VWA8: variants seen among roughly 807,000 people sequenced by gnomAD.
VWA8 encodes the protein von Willebrand factor A domain containing 8.
In VWA8, 221 loss-of-function variants were observed where a neutral mutation model predicts 241.5. The observed-to-expected ratio is 0.91, with a 90% CI of 0.82 to 1.02. The LOEUF (loss-of-function observed/expected upper bound fraction) is 1.02, where lower values mean the gene tolerates loss of function less well. Ranked by LOEUF, VWA8 falls within the 50% of genes least tolerant of loss-of-function variation. The pLI, the probability that VWA8 is intolerant of heterozygous loss-of-function variation, is 0.00. For missense variants in VWA8, 2,322 were observed against 2,328.7 expected (o/e 1.00, Z 0.06); for synonymous variants, 852 against 827.1 (o/e 1.03, Z -0.52).
At chr13:41,740,249 G>A (rs1012785931) in intron 21 of VWA8, among the ~76,000 whole-genome samples, 3 of 151,994 alleles carry the variant, frequency 2.0e-5, no homozygotes, top group Admixed American at 6.6e-5. Flanking sequence ...ATATTTTCTT[G>A]TCATCTTATG....
intron 4 of VWA8, among the ~76,000 whole-genome samples, chr13:41,899,541 C>G (rs1875318960): frequency 6.6e-6 from 1 of 152,102 alleles, no homozygotes; most frequent in Non-Finnish European, 1.5e-5. Flanking sequence ...GAAACAAAAT[C>G]TGAAACGCTC....
chr13:41,623,357 T>C (rs1234057926), intron 37 of VWA8, among the ~76,000 whole-genome samples: 1 of 152,194 alleles, frequency 6.6e-6, no homozygotes, highest in Non-Finnish European at 1.5e-5. Context: ...CTGAAGTCAC[T>C]TGTCTCTAAT....
chr13:41,750,983 T>C (rs1026443209), intron 21 of VWA8, among the ~76,000 whole-genome samples: 4 of 151,908 alleles, frequency 2.6e-5, no homozygotes, highest in African/African-American at 4.8e-5. Context: ...CTTGGCCAAA[T>C]TGTTTAACCT....
intron 19 of VWA8, among the ~76,000 whole-genome samples, chr13:41,778,832 CTTTTTTTTTTT>C (rs71096543): frequency 2.4e-5 from 2 of 82,648 alleles, no homozygotes; most frequent in East Asian, 3.5e-4. Context: ...CAGTACGTCA[CTTTTTTTTTTT>C]TTTTTTTTTT....
At chr13:41,590,500 T>TC (rs200938861) in intron 41 of VWA8, 140 bp downstream of exon 41, 14,176 of 482,102 alleles carry the variant, frequency 0.029, 180 homozygotes, top group East Asian at 0.1. Flanking sequence ...TTCTTCTTCT[T>TC]TTTTTTTTTT....
At chr13:41,912,305 G>T in intron 2 of VWA8, 137 bp from the exon 3 acceptor site, 1 of 611,378 alleles carries the variant, frequency 1.6e-6, no homozygotes, top group Non-Finnish European at 2.3e-6. Context: ...ATAAACATAT[G>T]TATATAAATA....
chr13:41,798,163 A>G (rs963436203), intron 17 of VWA8, among the ~76,000 whole-genome samples: 5 of 152,088 alleles, frequency 3.3e-5, no homozygotes, highest in Middle Eastern at 3.4e-3. Flanking sequence ...TCCAGTTTCT[A>G]TAAGTTTTTA....
intron 2 of VWA8, among the ~76,000 whole-genome samples, chr13:41,919,377 G>A (rs1220602670): frequency 1.3e-5 from 2 of 152,174 alleles, no homozygotes; most frequent in East Asian, 1.9e-4. Context: ...AGCTGAGGGA[G>A]CTCCCCAGAG....
At chr13:41,883,365 A>G in intron 9 of VWA8, 22 bp downstream of exon 9, 1 of 1,572,310 alleles carries the variant, frequency 6.4e-7, no homozygotes, top group Non-Finnish European at 8.7e-7. Flanking sequence ...AAGAAAGGAA[A>G]GAAAGGGAAG....
chr13:41,730,629 A>G (rs2045475186), intron 22 of VWA8, among the ~76,000 whole-genome samples: 2 of 152,190 alleles, frequency 1.3e-5, no homozygotes, highest in Admixed American at 1.3e-4. Context: ...GTTGATGGTG[A>G]CATCATGAAA....
At chr13:41,629,064 A>G (rs555555158) in intron 37 of VWA8, among the ~76,000 whole-genome samples, 12 of 151,960 alleles carry the variant, frequency 7.9e-5, no homozygotes, top group African/African-American at 2.4e-4. Context: ...AAACAAGCAA[A>G]CAAACAAACA....
chr13:41,747,257 A>G (rs563612236), intron 21 of VWA8, among the ~76,000 whole-genome samples: 44 of 152,184 alleles, frequency 2.9e-4, no homozygotes, highest in Admixed American at 8.5e-4. Flanking sequence ...ATTTGTTTGT[A>G]TCCTCTTTTA....
chr13:41,665,813 C>A (rs1381404028), intron 37 of VWA8, among the ~76,000 whole-genome samples: 1 of 151,958 alleles, frequency 6.6e-6, no homozygotes, highest in African/African-American at 2.4e-5. Flanking sequence ...TATCCTACGG[C>A]CTGTCTTGAG....
rs542910444 is a variant in VWA8 at position 41,891,813 on chromosome 13, AAG to A, written c.484-228_484-227del. On this transcript the variant is annotated intron_variant, in intron 4 of 44. Coordinates refer to ENST00000379310, the MANE Select transcript of VWA8 (RefSeq NM_015058.2). The stretch of plus-strand genomic sequence containing the variant: ...GTTTGTAAAATAAAGGGATTGAAAA[AAG>A]AGGATCGCTGAAGTTCCTTTCAGCC... Among the ~76,000 whole-genome samples the A allele has an allele frequency of 1.7e-3, 262 of 152,350 alleles. 2 individuals carry two copies. The highest frequency in any genetic ancestry group is 5.8e-3 in the African/African-American group (241 of 41,582).
intron 37 of VWA8, among the ~76,000 whole-genome samples, chr13:41,637,992 A>C (rs12866212): frequency 0.032 from 4,947 of 152,220 alleles, 90 homozygotes; most frequent in South Asian, 0.078. Context: ...AGATTCAAAC[A>C]CTCAAAATCT....
chr13:41,802,440 T>C (rs946336037), intron 17 of VWA8, among the ~76,000 whole-genome samples: 7 of 152,214 alleles, frequency 4.6e-5, no homozygotes, highest in African/African-American at 1.7e-4. Flanking sequence ...ATACAATTCC[T>C]GGGCAAGTCC....
chr13:41,935,729 A>G (rs913303453), intron 2 of VWA8, among the ~76,000 whole-genome samples: 2 of 151,980 alleles, frequency 1.3e-5, no homozygotes, highest in African/African-American at 4.8e-5. Context: ...ACAGACATGT[A>G]ATAGACCTAT....
chr13:41,770,147 G>GT (rs1318529640), intron 20 of VWA8, among the ~76,000 whole-genome samples: 1 of 152,052 alleles, frequency 6.6e-6, no homozygotes, highest in Non-Finnish European at 1.5e-5. Context: ...CTCAGGAAGT[G>GT]TAAGAAATTG....
At chr13:41,886,421 C>T (rs913756014) in intron 7 of VWA8, among the ~76,000 whole-genome samples, 5 of 151,938 alleles carry the variant, frequency 3.3e-5, no homozygotes, top group Admixed American at 6.6e-5. Flanking sequence ...TTGTTGTGTT[C>T]GAATTTCTTG....
Sources: gnomAD v4.1 joint callset for allele counts (sites outside exome capture counted in the v4.1 genomes callset) on GRCh38, gnomAD v4.1.1 for gene constraint, MANE v1.5 for transcripts, NCBI Gene and HGNC (gene_info 2026-07-23, HGNC 2026-07-21) for gene names.